The following STON2 variants were observed in gnomAD, a reference collection of about 807,000 sequenced individuals.
STON2 encodes the protein stonin 2, also known as stonin-2.
Under a neutral mutation model 65.7 loss-of-function variants are expected in STON2, and 29 were observed. The observed-to-expected ratio is 0.44, with a 90% CI of 0.33 to 0.60. STON2 has a LOEUF of 0.60. Among genes scored for constraint, STON2 ranks in the 20% least tolerant of loss-of-function variants. STON2 has a pLI of 0.03. For synonymous variants in STON2, 404 were observed against 414.2 expected (o/e 0.98, Z 0.30); for missense variants, 1,054 against 1,118.1 (o/e 0.94, Z 0.82).
chr14:81,414,441 G>A (rs999104723), intron 2 of STON2, among the ~76,000 whole-genome samples: 3 of 152,126 alleles, frequency 2.0e-5, no homozygotes, highest in Admixed American at 2.0e-4. Flanking sequence ...TTAGAACCCT[G>A]TGACGCCAAA....
At position 81,351,178 on chromosome 14, in the gene STON2, C is replaced by CTTTTTT. The variant is rs370421507; in HGVS notation, c.571+19804_571+19809dup. 1.1e-4 allele frequency among the ~76,000 whole-genome samples: 14 copies of CTTTTTT among 127,898 alleles called. 1 individual carries two copies. The highest frequency in any genetic ancestry group is 1.6e-4 in the Admixed American group (2 of 12,608). The allele number at this position is 127,898 out of a possible 152,430, so 83.9% of individuals were successfully genotyped here. A position where few individuals can be genotyped will look rare whatever the true frequency, so the allele number is the denominator to read the frequency against. On this transcript the variant is annotated intron_variant, in intron 4 of 7. Coordinates refer to ENST00000614646, the MANE Select transcript of STON2 (RefSeq NM_001394390.1). ...CTAAGGTATTTTGAGGTAAGCTCTT[C>CTTTTTT]TTTTTTTTTTTTTTTTTCTGGTGGG...
intron 4 of STON2, among the ~76,000 whole-genome samples, chr14:81,343,462 A>G (rs938638007): frequency 1.3e-5 from 2 of 152,032 alleles, no homozygotes; most frequent in Non-Finnish European, 2.9e-5. Context: ...CCTCTTCTCA[A>G]GAAAGCTTTT....
At chr14:81,387,569 CT>C (rs1396555129) in intron 3 of STON2, among the ~76,000 whole-genome samples, 1 of 152,098 alleles carries the variant, frequency 6.6e-6, no homozygotes, top group African/African-American at 2.4e-5. Context: ...AACTGATGCT[CT>C]TTTTCCATAT....
At chr14:81,399,360 T>C (rs1378522513) in intron 1 of STON2, among the ~76,000 whole-genome samples, 1 of 152,222 alleles carries the variant, frequency 6.6e-6, no homozygotes, top group Non-Finnish European at 1.5e-5. Flanking sequence ...TGAATTTATC[T>C]AAAATTAATG....
rs552677532 is a variant in STON2, at chr14:81,333,609, T to C, written c.572-9422A>G. On this transcript the variant is annotated intron_variant, in intron 4 of 7. Transcript: ENST00000614646. ...ACTAGCTGTTAACCGTAACACTGCA[T>C]GAACATGGAATGAACTTCCTCTCTA... is the stretch of plus-strand genomic sequence containing the variant. Among the ~76,000 whole-genome samples, 9 of 152,296 alleles carry C rather than the reference T, an allele frequency of 5.9e-5. No homozygotes were observed. In the South Asian group the frequency reaches 1.7e-3, roughly 28 times the overall value.
chr14:81,338,312 T>G (rs1271097831), intron 4 of STON2, among the ~76,000 whole-genome samples: 4 of 152,158 alleles, frequency 2.6e-5, no homozygotes, highest in African/African-American at 9.7e-5. Context: ...TGGCCAATCA[T>G]GTAATCAATC....
chr14:81,434,804 G>A (rs1306374882), intron 1 of STON2, among the ~76,000 whole-genome samples: 1 of 152,108 alleles, frequency 6.6e-6, no homozygotes, highest in East Asian at 1.9e-4. Context: ...TGACTTTTCA[G>A]ATTAACCAAG....
chr14:81,315,516 T>TGAC (rs1435331814), intron 5 of STON2, among the ~76,000 whole-genome samples: 1 of 56,012 alleles, frequency 1.8e-5, no homozygotes, highest in Non-Finnish European at 4.0e-5. Flanking sequence ...CGTAGGCAGG[T>TGAC]GACGATACTG....
In STON2 at chr14:81,268,322, C is replaced by T; in HGVS notation, c.*92G>A. On this transcript the variant is annotated 3_prime_UTR_variant, in exon 8 of 8. Coordinates refer to ENST00000614646, the MANE Select transcript of STON2 (RefSeq NM_001394390.1). ...CAGTGGCCACAGCAGGTATTGACTG[C>T]AACTTCAGCTACTCAGGAAGACACC... 7.9e-7 allele frequency: 1 copy of T among 1,264,144 alleles called. No individual in the cohort carries two copies. Among genetic ancestry groups the T allele is most frequent in the Non-Finnish European group, 1.0e-6 (1 of 977,204 alleles). The allele number at this position is 1,264,144 out of a possible 1,614,324, so 78.3% of individuals were successfully genotyped here.
intron 4 of STON2, among the ~76,000 whole-genome samples, chr14:81,344,168 A>G (rs944719060): frequency 1.3e-5 from 2 of 152,158 alleles, no homozygotes; most frequent in Non-Finnish European, 2.9e-5. Context: ...GAAATTTAAA[A>G]ATAGTCCCCG....
At chr14:81,325,919 C>T (rs117466189) in intron 4 of STON2, among the ~76,000 whole-genome samples, 2,264 of 152,014 alleles carry the variant, frequency 0.015, 30 homozygotes, top group Non-Finnish European at 0.023. Flanking sequence ...AGATACTACA[C>T]GTTTTACTCT....
At position 81,261,616 on chromosome 14, in the gene STON2, T is replaced by C. The variant is rs1894148571; in HGVS notation, c.*6798A>G. ...AAATAGTCCCAGGATGTTTACTGAG[T>C]GTCCTCCTTCAATTTTCACAATATT... On this transcript the variant is annotated 3_prime_UTR_variant, in exon 8 of 8. Coordinates refer to ENST00000614646, the MANE Select transcript of STON2 (RefSeq NM_001394390.1). 3.2e-6 allele frequency: 2 copies of C among 625,634 alleles called. No homozygotes were observed. Among genetic ancestry groups the C allele is most frequent in the Non-Finnish European group, 2.3e-6 (1 of 429,028 alleles). The allele number at this position is 625,634 out of a possible 1,614,324, so 38.8% of individuals were successfully genotyped here. A position where few individuals can be genotyped will look rare whatever the true frequency, so the allele number is the denominator to read the frequency against.
rs942570240 is a variant in STON2 at position 81,268,451 on chromosome 14, T to C, written c.2831A>G (p.Asp944Gly). The change falls in exon 8 of 8, where the codon GAT becomes GGT. Residue 944 changes from aspartate to glycine, a missense_variant. Physicochemically the swap from Asp to Gly is moderately conservative, Grantham distance 94. Transcript: ENST00000614646. ...KKSLKPDFEG[D>G]EMENPKECGV... Reference sequence around the variant, plus strand: ...ACACTCCTTGGGATTTTCCATTTCATCTCCTTCAAAGTCCGGCTTCAAACT... The same window carrying C: ...ACACTCCTTGGGATTTTCCATTTCACCTCCTTCAAAGTCCGGCTTCAAACT... 1.6e-6 allele frequency: 2 copies of C among 1,289,462 alleles called. No homozygotes were observed. The highest frequency in any genetic ancestry group is 3.0e-5 in the African/African-American group (2 of 65,832). The allele number at this position is 1,289,462 out of a possible 1,614,324, so 79.9% of individuals were successfully genotyped here.
rs145610209 is a variant in STON2, at chr14:81,302,123, T to G, written c.742+21894A>C. 3.1e-3 allele frequency among the ~76,000 whole-genome samples: 470 copies of G among 152,336 alleles called. 13 individuals carry two copies. Among genetic ancestry groups the G allele is most frequent in the Admixed American group, 0.03 (456 of 15,300 alleles). ...GGACTAATGGGAGTAGTAGCCACTC[T>G]GGACTGTGCCTGTCTGTGGAAAACC... is the stretch of plus-strand genomic sequence containing the variant. On this transcript the variant is annotated intron_variant, in intron 5 of 7. Transcript: ENST00000614646.
intron 2 of STON2, among the ~76,000 whole-genome samples, chr14:81,425,125 G>C (rs901281716): frequency 3.9e-5 from 6 of 152,220 alleles, no homozygotes; most frequent in African/African-American, 1.2e-4. Context: ...GGAGTGACAA[G>C]ACTTCAGAAT....
At position 81,431,765 on chromosome 14, in the gene STON2, G is replaced by A. The variant is rs912950495; in HGVS notation, c.-309-4553C>T. 8.8e-5 allele frequency among the ~76,000 whole-genome samples: 13 copies of A among 148,300 alleles called. No homozygotes were observed. In the East Asian group the frequency reaches 1.8e-3, roughly 20 times the overall value. ...GCACTCTAGGCTAGGCAACAACAGC[G>A]AAACTCTGTCTCAAAAAAAAAAAAA... On this transcript the variant is annotated intron_variant, in intron 1 of 8. Transcript: ENST00000553821.
intron 1 of STON2, among the ~76,000 whole-genome samples, chr14:81,434,630 G>C (rs1354747254): frequency 6.6e-6 from 1 of 152,146 alleles, no homozygotes; most frequent in Non-Finnish European, 1.5e-5. Context: ...GTATGGTGTG[G>C]TAAGACAGAT....
upstream of STON2, among the ~76,000 whole-genome samples, chr14:81,404,936 T>C (rs1900773803): frequency 1.3e-5 from 2 of 152,226 alleles, no homozygotes; most frequent in South Asian, 4.1e-4. Flanking sequence ...GGTCTGAATG[T>C]TTCTAATGAG....
intron 4 of STON2, among the ~76,000 whole-genome samples, chr14:81,354,627 T>G (rs1898150781): frequency 6.6e-6 from 1 of 152,014 alleles, no homozygotes; most frequent in Non-Finnish European, 1.5e-5. Context: ...GCAATAAAAT[T>G]TGGAAAATTA....
Sources: gnomAD v4.1 joint callset for allele counts (sites outside exome capture counted in the v4.1 genomes callset) on GRCh38, gnomAD v4.1.1 for gene constraint, MANE v1.5 for transcripts, NCBI Gene and HGNC (gene_info 2026-07-23, HGNC 2026-07-21) for gene names.